Variants in ESRRB observed in about 807,000 individuals in gnomAD.
ESRRB encodes the protein steroid hormone receptor ERR2.
ESRRB carries 16 observed loss-of-function variants against 46.0 expected under a neutral mutation model. That is an observed-to-expected ratio of 0.35 (90% CI 0.24 to 0.53). The LOEUF (loss-of-function observed/expected upper bound fraction) is 0.53, where lower values mean the gene tolerates loss of function less well. ESRRB is among the 20% of genes least tolerant of loss of function. The probability of loss-of-function intolerance (pLI) is 0.93; values close to 1 mark genes in which losing one functional copy is unlikely to be tolerated. For synonymous variants in ESRRB, 246 were observed against 259.6 expected (o/e 0.95, Z 0.50); for missense variants, 488 against 607.4 (o/e 0.80, Z 2.07).
intron 1 of ESRRB, among the ~76,000 whole-genome samples, chr14:76,435,339 C>T (rs1332757146): frequency 1.3e-5 from 2 of 152,208 alleles, no homozygotes; most frequent in African/African-American, 2.4e-5. Flanking sequence ...GCATGGCACC[C>T]GCGGGGCCCT....
At chr14:76,473,640 A>T (rs1221855139) in intron 3 of ESRRB, among the ~76,000 whole-genome samples, 3 of 152,242 alleles carry the variant, frequency 2.0e-5, no homozygotes, top group Non-Finnish European at 4.4e-5. Context: ...GGCTATTTTT[A>T]CTTCCGAAAG....
At chr14:76,418,929 A>T (rs1010387234) in intron 1 of ESRRB, among the ~76,000 whole-genome samples, 8 of 151,866 alleles carry the variant, frequency 5.3e-5, no homozygotes, top group Non-Finnish European at 8.8e-5. Flanking sequence ...TAACCTTGAG[A>T]GTTTTTAGAA....
intron 1 of ESRRB, among the ~76,000 whole-genome samples, chr14:76,429,681 T>C (rs1887355378): frequency 1.3e-5 from 2 of 151,732 alleles, no homozygotes; most frequent in East Asian, 1.9e-4. Flanking sequence ...ACCCGGGAGG[T>C]AGTGGTTGTG....
chr14:76,496,961 C>A (rs1473736834), intron 6 of ESRRB, among the ~76,000 whole-genome samples: 1 of 152,202 alleles, frequency 6.6e-6, no homozygotes, highest in Non-Finnish European at 1.5e-5. Context: ...CGATACAGAC[C>A]GGCTGATGGA....
chr14:76,320,022 T>G (rs1023132553), intron 1 of ESRRB, among the ~76,000 whole-genome samples: 2 of 152,138 alleles, frequency 1.3e-5, no homozygotes, highest in Non-Finnish European at 2.9e-5. Flanking sequence ...GGATATATGC[T>G]CATTGGGATA....
chr14:76,317,499 G>A (rs1266015900), intron 1 of ESRRB, among the ~76,000 whole-genome samples: 1 of 152,158 alleles, frequency 6.6e-6, no homozygotes, highest in East Asian at 1.9e-4. Context: ...ATGCACACAG[G>A]TCAGCTGGGG....
chr14:76,411,424 G>A (rs2139863073), intron 1 of ESRRB, among the ~76,000 whole-genome samples: 1 of 151,930 alleles, frequency 6.6e-6, no homozygotes, highest in East Asian at 1.9e-4. Context: ...CTCCAGCCTG[G>A]ACAACAAAGC....
At chr14:76,462,781 G>T in intron 3 of ESRRB, 120 bp downstream of exon 3, 1 of 808,878 alleles carries the variant, frequency 1.2e-6, no homozygotes. Context: ...CAGTCTGAGC[G>T]CCCATCTCCT....
At chr14:76,474,174 A>T (rs1234811430) in intron 3 of ESRRB, among the ~76,000 whole-genome samples, 2 of 152,248 alleles carry the variant, frequency 1.3e-5, no homozygotes, top group Non-Finnish European at 2.9e-5. Context: ...TGTTTAATAC[A>T]TCTGACTGAC....
intron 1 of ESRRB, among the ~76,000 whole-genome samples, chr14:76,341,846 A>G (rs914788071): frequency 6.6e-6 from 1 of 152,228 alleles, no homozygotes; most frequent in African/African-American, 2.4e-5. Flanking sequence ...CATCTGGATA[A>G]GAATTCTCAC....
intron 1 of ESRRB, among the ~76,000 whole-genome samples, chr14:76,424,753 T>C (rs1443167866): frequency 5.3e-5 from 8 of 152,112 alleles, no homozygotes; most frequent in Non-Finnish European, 8.8e-5. Flanking sequence ...GTTTGTTTGT[T>C]TGAGATAGAG....
At chr14:76,322,751 G>A (rs1303330309) in intron 1 of ESRRB, among the ~76,000 whole-genome samples, 1 of 152,198 alleles carries the variant, frequency 6.6e-6, no homozygotes, top group Non-Finnish European at 1.5e-5. Context: ...GGGCAGTGGG[G>A]TCTTCTGCCG....
chr14:76,374,222 G>A (rs1409757115), upstream of ESRRB, among the ~76,000 whole-genome samples: 4 of 152,218 alleles, frequency 2.6e-5, no homozygotes, highest in African/African-American at 9.6e-5. Flanking sequence ...AACAAAAAGA[G>A]ACATGGTCCC....
intron 1 of ESRRB, among the ~76,000 whole-genome samples, chr14:76,413,898 CCCTGCCCCTGCACCGTCT>C (rs1417050635): frequency 1.1e-4 from 13 of 118,192 alleles, no homozygotes; most frequent in African/African-American, 2.3e-4. Context: ...CTGCACCGTC[CCCTGCCCCTGCACCGTCT>C]CCCGCCCCTG....
intron 1 of ESRRB, among the ~76,000 whole-genome samples, chr14:76,314,033 A>G (rs1206335282): frequency 6.6e-6 from 1 of 152,170 alleles, no homozygotes; most frequent in East Asian, 1.9e-4. Flanking sequence ...AGTGACTCCG[A>G]ATATTTATGA....
intron 5 of ESRRB, among the ~76,000 whole-genome samples, chr14:76,489,811 C>T (rs1890153363): frequency 1.3e-5 from 2 of 152,134 alleles, no homozygotes; most frequent in Admixed American, 1.3e-4. Flanking sequence ...CCACACAAGC[C>T]AAAGAGCTGG....
intron 6 of ESRRB, among the ~76,000 whole-genome samples, chr14:76,496,332 A>G (rs755294191): frequency 7.3e-5 from 8 of 108,906 alleles, no homozygotes; most frequent in Non-Finnish European, 1.7e-4. Flanking sequence ...AGGAGGGAAG[A>G]GTAAATTGTT....
intron 1 of ESRRB, among the ~76,000 whole-genome samples, chr14:76,391,444 T>TG (rs1186790580): frequency 1.3e-5 from 2 of 152,246 alleles, no homozygotes; most frequent in Admixed American, 6.5e-5. Flanking sequence ...CACAGACCGC[T>TG]GGCAATGCGT....
At chr14:76,312,570 A>T (rs1454789416) in intron 1 of ESRRB, among the ~76,000 whole-genome samples, 1 of 151,300 alleles carries the variant, frequency 6.6e-6, no homozygotes, top group African/African-American at 2.4e-5. Context: ...ACTATTTAAG[A>T]TCTAGTATAG....
Sources: gnomAD v4.1 joint callset for allele counts (sites outside exome capture counted in the v4.1 genomes callset) on GRCh38, gnomAD v4.1.1 for gene constraint, MANE v1.5 for transcripts, NCBI Gene and HGNC (gene_info 2026-07-23, HGNC 2026-07-21) for gene names.